Variants in VDAC1 observed in about 807,000 individuals in gnomAD.
VDAC1 encodes non-selective voltage-gated ion channel VDAC1.
In VDAC1, 10 loss-of-function variants were observed where a neutral mutation model predicts 34.7. The ratio of observed to expected loss-of-function variants is 0.29; its 90% CI spans 0.18 to 0.49. The LOEUF (loss-of-function observed/expected upper bound fraction) is 0.49, where lower values mean the gene tolerates loss of function less well. VDAC1 is among the 20% of genes least tolerant of loss of function. The pLI is 0.99. For synonymous variants in VDAC1, 130 were observed against 136.0 expected, an observed-to-expected ratio of 0.96 and a Z score of 0.30; for missense variants, 230 against 347.9, an observed-to-expected ratio of 0.66 and a Z score of 2.69.
chr5:134,007,575 A>C (rs1327644882), upstream of VDAC1, among the ~76,000 whole-genome samples: 1 of 150,030 alleles, frequency 6.7e-6, no homozygotes, highest in Non-Finnish European at 1.5e-5. Flanking sequence ...CATCTGCCAC[A>C]GCTGATTGGG....
chr5:134,020,844 G>A, the VDAC1 span, among the ~76,000 whole-genome samples: 10 of 151,758 alleles, frequency 6.6e-5, no homozygotes, highest in Non-Finnish European at 1.3e-4. Context: ...GCCCAGCTAT[G>A]GAACAGGCAT....
At chr5:134,033,923 C>T in the VDAC1 span, among the ~76,000 whole-genome samples, 1 of 151,622 alleles carries the variant, frequency 6.6e-6, no homozygotes, top group Non-Finnish European at 1.5e-5. Flanking sequence ...ACCCGGGAGG[C>T]GGAGCTTGCA....
chr5:134,082,885 C>A, the VDAC1 span, among the ~76,000 whole-genome samples: 88 of 152,220 alleles, frequency 5.8e-4, 1 homozygote, highest in Middle Eastern at 0.017. Context: ...CAGGGAAATG[C>A]AGATTAATAT....
At chr5:133,993,339 A>G (rs766887791) in intron 1 of VDAC1, among the ~76,000 whole-genome samples, 4 of 152,260 alleles carry the variant, frequency 2.6e-5, no homozygotes, top group Non-Finnish European at 5.9e-5. Flanking sequence ...ATAAACTGTC[A>G]AAGACACATT....
chr5:134,035,249 G>T, the VDAC1 span, among the ~76,000 whole-genome samples: 1 of 152,092 alleles, frequency 6.6e-6, no homozygotes, highest in Non-Finnish European at 1.5e-5. Flanking sequence ...AATTTTTGTT[G>T]TGTTTTGTTT....
rs921988119 is a variant in VDAC1, at chr5:133,992,718, A to G, written c.67+228T>C. On this transcript the variant is annotated intron_variant, in intron 2 of 8. Coordinates refer to ENST00000265333, the MANE Select transcript of VDAC1 (RefSeq NM_003374.3). ...TTCCACAGGGCTGCTCCACACTTGG[A>G]AAAGAAAACAAGAATACCCACTTGA... Among the ~76,000 whole-genome samples, 4 of 152,262 alleles carry G rather than the reference A, an allele frequency of 2.6e-5. No homozygotes were observed. In the East Asian group the frequency reaches 5.8e-4, roughly 22 times the overall value.
rs1752326619 is a variant in VDAC1, at chr5:133,972,332, G to T, written c.*439C>A. 6.1e-6 allele frequency: 2 copies of T among 328,630 alleles called. No individual in the cohort carries two copies. The highest frequency in any genetic ancestry group is 4.7e-5 in the Admixed American group (1 of 21,100). 20.4% of individuals were successfully genotyped at this position (328,630 alleles called of 1,614,324 possible). A position where few individuals can be genotyped will look rare whatever the true frequency, so the allele number is the denominator to read the frequency against. ...AACTGGGGTGGGAACAGGTCATGAA[G>T]ATCTGTCTAAAAAAGTCCCATTCAG... On this transcript the variant is annotated 3_prime_UTR_variant, in exon 9 of 9. Coordinates refer to ENST00000265333, the MANE Select transcript of VDAC1 (RefSeq NM_003374.3).
upstream of VDAC1, among the ~76,000 whole-genome samples, chr5:134,007,370 G>A (rs1561605755): frequency 6.6e-6 from 1 of 152,182 alleles, no homozygotes; most frequent in Admixed American, 6.5e-5. Context: ...AGGAGTTCGA[G>A]GGTGCAGTGA....
chr5:134,100,863 G>A, the VDAC1 span, among the ~76,000 whole-genome samples: 1 of 152,246 alleles, frequency 6.6e-6, no homozygotes, highest in African/African-American at 2.4e-5. Context: ...TTACATCTAA[G>A]CAGAGAAAGA....
intron 6 of VDAC1, among the ~76,000 whole-genome samples, chr5:133,979,532 C>T (rs956613143): frequency 5.0e-5 from 7 of 138,840 alleles, no homozygotes; most frequent in Admixed American, 2.5e-4. Context: ...CAGGTTCAAG[C>T]GATTCTCCTG....
the VDAC1 span, among the ~76,000 whole-genome samples, chr5:134,060,471 T>C: frequency 1.3e-5 from 2 of 151,998 alleles, no homozygotes; most frequent in Non-Finnish European, 2.9e-5. Context: ...TGTTTCTTAT[T>C]AGAGATATAT....
intron 6 of VDAC1, among the ~76,000 whole-genome samples, chr5:133,980,154 T>A (rs1195369519): frequency 6.6e-6 from 1 of 152,246 alleles, no homozygotes; most frequent in Non-Finnish European, 1.5e-5. Flanking sequence ...ACAAGATTCA[T>A]GAATGAAATG....
At chr5:133,977,141 C>T (rs1479042346) in intron 6 of VDAC1, among the ~76,000 whole-genome samples, 1 of 152,222 alleles carries the variant, frequency 6.6e-6, no homozygotes, top group Admixed American at 6.5e-5. Flanking sequence ...TGCACATATG[C>T]CTCAGAAGGC....
the VDAC1 span, among the ~76,000 whole-genome samples, chr5:134,085,603 C>T: frequency 3.4e-4 from 52 of 151,516 alleles, no homozygotes; most frequent in African/African-American, 1.2e-3. Flanking sequence ...ACCATCCCCA[C>T]AGGGCCAGGC....
chr5:134,085,956 T>C, the VDAC1 span, among the ~76,000 whole-genome samples: 7 of 151,764 alleles, frequency 4.6e-5, no homozygotes, highest in African/African-American at 1.7e-4. Flanking sequence ...ACTTTTAGAG[T>C]CCAAGGCGTG....
chr5:133,996,405 G>A (rs188022335), intron 1 of VDAC1, among the ~76,000 whole-genome samples: 2 of 152,222 alleles, frequency 1.3e-5, no homozygotes, highest in Admixed American at 6.5e-5. Context: ...ATGAAAATCC[G>A]GCCCATACTG....
chr5:134,086,498 C>T, the VDAC1 span, among the ~76,000 whole-genome samples: 1 of 152,190 alleles, frequency 6.6e-6, no homozygotes, highest in East Asian at 1.9e-4. Flanking sequence ...GCATCAGCTT[C>T]GCAGAGTCTT....
chr5:133,994,756 G>A (rs139304787), intron 1 of VDAC1, among the ~76,000 whole-genome samples: 367 of 152,182 alleles, frequency 2.4e-3, no homozygotes, highest in African/African-American at 8.4e-3. Flanking sequence ...TTCTCCACCC[G>A]ACAGGGTTAA....
chr5:134,074,990 G>A, the VDAC1 span, among the ~76,000 whole-genome samples: 1 of 152,088 alleles, frequency 6.6e-6, no homozygotes, highest in East Asian at 1.9e-4. Context: ...TTTGCTCAGT[G>A]GTACAGCTCG....
Sources: gnomAD v4.1 joint callset for allele counts (sites outside exome capture counted in the v4.1 genomes callset) on GRCh38, gnomAD v4.1.1 for gene constraint, MANE v1.5 for transcripts, NCBI Gene and HGNC (gene_info 2026-07-23, HGNC 2026-07-21) for gene names.